AP3D1: variants seen among roughly 807,000 people sequenced by gnomAD.
AP3D1 encodes adaptor related protein complex 3 subunit delta 1, also known as AP-3 complex subunit delta-1.
Under a neutral mutation model 147.6 loss-of-function variants are expected in AP3D1, and 51 were observed. The observed-to-expected ratio is 0.35, with a 90% CI of 0.28 to 0.44. AP3D1 has a LOEUF of 0.44. Among genes scored for constraint, AP3D1 ranks in the 20% least tolerant of loss-of-function variants. AP3D1 has a pLI of 1.00. For synonymous variants in AP3D1, 760 were observed against 663.0 expected, an observed-to-expected ratio of 1.15 and a Z score of -2.25; for missense variants, 1,421 against 1,624.2, an observed-to-expected ratio of 0.87 and a Z score of 2.15.
In AP3D1 at chr19:2,105,195, C is replaced by T. The variant is rs548372128; in HGVS notation, c.3553-2927G>A. Among the ~76,000 whole-genome samples, 43 of 152,288 alleles carry T rather than the reference C, an allele frequency of 2.8e-4. No homozygotes were observed. The South Asian group carries it at 4.4e-3, about 15-fold the overall frequency. ...ACCCATCTGAATACGGCCTCTGGGG[C>T]GTGAGGGGCAGCAGCCCAGGCTGGG... On this transcript the variant is annotated intron_variant, in intron 31 of 31. Transcript: ENST00000643116.
exon 1 of AP3D1, chr19:2,164,398 T>C: frequency 1.9e-6 from 1 of 530,658 alleles, no homozygotes. Context: ...CCACTGTCGC[T>C]GCTCCACCCC....
chr19:2,114,842 C>T (rs914130031), intron 20 of AP3D1, 21 bp from the exon 21 acceptor site: 1 of 1,613,636 alleles, frequency 6.2e-7, no homozygotes, highest in Admixed American at 1.7e-5. Flanking sequence ...GAGAGGAACC[C>T]CATCACTGGA....
intron 1 of AP3D1, among the ~76,000 whole-genome samples, chr19:2,147,339 C>A (rs2019383724): frequency 8.6e-6 from 1 of 115,920 alleles, no homozygotes. Context: ...GAGCAAAACT[C>A]TGTCTCAAAA....
At chr19:2,157,509 C>A (rs941199252) in intron 1 of AP3D1, among the ~76,000 whole-genome samples, 1 of 151,200 alleles carries the variant, frequency 6.6e-6, no homozygotes, top group Non-Finnish European at 1.5e-5. Flanking sequence ...ATCCACCTAT[C>A]CACCCATACA....
At chr19:2,106,112 T>C (rs1185271366) in intron 31 of AP3D1, among the ~76,000 whole-genome samples, 1 of 151,840 alleles carries the variant, frequency 6.6e-6, no homozygotes, top group East Asian at 1.9e-4. Flanking sequence ...GAATGGCTGC[T>C]GTCAGCACGA....
At chr19:2,152,653 G>A (rs1599503754), upstream of AP3D1, among the ~76,000 whole-genome samples, 3 of 151,530 alleles carry the variant, frequency 2.0e-5, no homozygotes, top group African/African-American at 7.3e-5. Context: ...CGAGGCAGGT[G>A]GATCATGAGG....
At chr19:2,133,541 G>T (rs1292100209) in intron 4 of AP3D1, 1 of 150,820 alleles carries the variant, frequency 6.6e-6, no homozygotes, top group Non-Finnish European at 1.5e-5. Context: ...GTCTCACTCT[G>T]TCCCCCAGGC....
intron 5 of AP3D1, among the ~76,000 whole-genome samples, chr19:2,132,145 G>A (rs2018968019): frequency 6.6e-6 from 1 of 152,110 alleles, no homozygotes; most frequent in Non-Finnish European, 1.5e-5. Flanking sequence ...GGAGGAAAGA[G>A]GACCACACAG....
At position 2,151,302 on chromosome 19, in the gene AP3D1, G is replaced by A. The variant is rs1599501548; in HGVS notation, c.33C>T (p.Asp11=). The change falls in exon 1 of 32, where the codon GAC becomes GAT. Residue 11 remains aspartate, a synonymous_variant. Transcript: ENST00000643116. MALKMVKGSI[D]RMFDKNLQDL... ...CCTGCAGATTCTTGTCGAACATGCGGTCGATGCTGCCCTTCACCATCTTGA... is the reference window on the plus strand; with the variant it reads ...CCTGCAGATTCTTGTCGAACATGCGATCGATGCTGCCCTTCACCATCTTGA... 1 of 1,611,640 alleles carries A rather than the reference G, an allele frequency of 6.2e-7. No homozygotes were observed. The highest frequency in any genetic ancestry group is 1.3e-5 in the African/African-American group (1 of 74,634).
intron 12 of AP3D1, 76 bp downstream of exon 12, chr19:2,121,658 T>A (rs2018614920): frequency 6.6e-7 from 1 of 1,505,776 alleles, no homozygotes; most frequent in African/African-American, 1.4e-5. Context: ...GCATTCCACG[T>A]GGCTCTGCAC....
intron 14 of AP3D1, among the ~76,000 whole-genome samples, chr19:2,119,564 C>T (rs564317552): frequency 3.9e-5 from 6 of 152,046 alleles, no homozygotes; most frequent in African/African-American, 1.4e-4. Context: ...GGCATGGTGG[C>T]GGGCGCCTGT....
chr19:2,130,042 C>G (rs541909134), intron 6 of AP3D1, among the ~76,000 whole-genome samples: 3 of 152,354 alleles, frequency 2.0e-5, no homozygotes, highest in Admixed American at 6.5e-5. Context: ...CACAAATACA[C>G]AACAGCTACA....
intron 9 of AP3D1, among the ~76,000 whole-genome samples, chr19:2,126,234 C>T (rs2018751296): frequency 6.6e-6 from 1 of 152,216 alleles, no homozygotes; most frequent in Admixed American, 6.5e-5. Flanking sequence ...ATAAGGAAGT[C>T]CACCGCCCAA....
chr19:2,118,543 AC>A, intron 15 of AP3D1, 57 bp downstream of exon 15: 3 of 1,523,384 alleles, frequency 2.0e-6, no homozygotes, highest in Non-Finnish European at 1.8e-6. Context: ...CCGCCACTGG[AC>A]AGAAAGGCAC....
chr19:2,135,784 G>C (rs2238595), intron 4 of AP3D1, among the ~76,000 whole-genome samples: 1 of 152,092 alleles, frequency 6.6e-6, no homozygotes, highest in Non-Finnish European at 1.5e-5. Context: ...CGGCCGTGCC[G>C]AGCCCATCAG....
intron 3 of AP3D1, among the ~76,000 whole-genome samples, chr19:2,137,337 A>G (rs1438229201): frequency 1.3e-5 from 2 of 151,658 alleles, no homozygotes; most frequent in African/African-American, 2.4e-5. Context: ...TCTTGGAGAC[A>G]AAGTCTCGCT....
In AP3D1 at chr19:2,138,692, A is replaced by G. The variant is rs781273820; in HGVS notation, c.119T>C (p.Ile40Thr). The change falls in exon 2 of 32, where the codon ATT (isoleucine) becomes ACT (threonine). Residue 40 changes from isoleucine to threonine, a missense_variant. Transcript: ENST00000643116. ...CTTCAGCTCCTGCTTGATCTCATCA[A>G]TGCACTGAGATATGTATTTTGCCTA... Reference protein sequence around the residue: ...EDEAKYISQCIDEIKQELKQD... With the variant: ...EDEAKYISQCTDEIKQELKQD... 3 of 1,613,288 alleles carry G rather than the reference A, an allele frequency of 1.9e-6. No homozygotes were observed. Among genetic ancestry groups the G allele is most frequent in the Admixed American group, 1.7e-5 (1 of 59,978 alleles).
chr19:2,120,671 C>T (rs1311407097), intron 14 of AP3D1, among the ~76,000 whole-genome samples, 191 bp downstream of exon 14: 1 of 152,324 alleles, frequency 6.6e-6, no homozygotes, highest in South Asian at 2.1e-4. Flanking sequence ...GCAGCACAGA[C>T]TCGCCTCTGT....
At position 2,118,748 on chromosome 19, in the gene AP3D1, A is replaced by G. The variant is rs2145057178; in HGVS notation, c.1566T>C (p.Tyr522=). Residue 522 remains tyrosine (Y), a synonymous_variant, in exon 15 of 32, where the codon TAT becomes TAC. Transcript: ENST00000643116. ...TTLPGHIQAV[Y]VQNVVKLYAS... ...CGTAGAGCTTGACCACGTTCTGCAC[A>G]TACACGGCCTGGATGTGGCCTGGCA... 1 of 1,613,776 alleles carries G rather than the reference A, an allele frequency of 6.2e-7. No individual in the cohort carries two copies. Among genetic ancestry groups the G allele is most frequent in the South Asian group, 1.1e-5 (1 of 91,076 alleles).
Sources: gnomAD v4.1 joint callset for allele counts (sites outside exome capture counted in the v4.1 genomes callset) on GRCh38, gnomAD v4.1.1 for gene constraint, MANE v1.5 for transcripts, NCBI Gene and HGNC (gene_info 2026-07-23, HGNC 2026-07-21) for gene names.